DSG3: variants seen among roughly 807,000 people sequenced by gnomAD.
DSG3 encodes the protein desmoglein-3.
In DSG3, 63 loss-of-function variants were observed where a neutral mutation model predicts 85.9. The ratio of observed to expected loss-of-function variants is 0.73; its 90% confidence interval spans 0.60 to 0.90. The LOEUF (loss-of-function observed/expected upper bound fraction) is 0.90. DSG3 is among the 40% of genes least tolerant of loss of function. The probability of loss-of-function intolerance (pLI) is 0.00; values close to 1 mark genes in which losing one functional copy is unlikely to be tolerated. For missense variants in DSG3, 1,220 were observed against 1,219.9 expected (o/e 1.00, Z 0.00); for synonymous variants, 447 against 441.9 (o/e 1.01, Z -0.14).
At chr18:31,461,973 T>A (rs1260317329) in intron 8 of DSG3, among the ~76,000 whole-genome samples, 1 of 152,164 alleles carries the variant, frequency 6.6e-6, no homozygotes, top group African/African-American at 2.4e-5. Flanking sequence ...TATCTGAGAG[T>A]GTGATCTGGG....
At chr18:31,472,158 T>C (rs1213711639) in intron 12 of DSG3, 126 bp from the exon 13 acceptor site, 11 of 1,397,164 alleles carry the variant, frequency 7.9e-6, no homozygotes, top group Non-Finnish European at 1.1e-5. Context: ...ATTTTGGTTT[T>C]CATTAGGAAT....
rs183434848 is a variant in DSG3, at chr18:31,461,478, G to C, written c.999+66G>C. On this transcript the variant is annotated intron_variant, in intron 8 of 15. Coordinates refer to ENST00000257189, the MANE Select transcript of DSG3 (RefSeq NM_001944.3). ...ATTAACCAAAATGATCATTTCTACA[G>C]ATAAAATGTATTTATTTGTTAATAT... 644 of 1,326,700 alleles carry C rather than the reference G, an allele frequency of 4.9e-4. 5 individuals are homozygous for C. In the African/African-American group the frequency reaches 8.7e-3, roughly 18 times the overall value. 82.2% of individuals were successfully genotyped at this position (1,326,700 alleles called of 1,614,324 possible).
rs370978123 is a variant in DSG3 at position 31,476,145 on chromosome 18, C to G, written c.2885C>G (p.Thr962Arg). The G allele has an allele frequency of 3.1e-6, 5 of 1,614,070 alleles. No individual in the cohort carries two copies. The highest frequency in any genetic ancestry group is 3.4e-6 in the Non-Finnish European group (4 of 1,180,036). The change falls in exon 16 of 16, where the codon ACA (threonine) becomes AGA (arginine). Residue 962 changes from threonine to arginine, a missense_variant. Transcript: ENST00000257189. ...CTTCTCACACAAAATGTGATAGTGA[C>G]AGAAAGGGTGATCTGTCCCATTTCC... ...DPLLTQNVIV[T>R]ERVICPISSV...
In DSG3 at chr18:31,476,050, C is replaced by A. The variant is rs1242671945; in HGVS notation, c.2790C>A (p.Asn930Lys). 6.2e-7 allele frequency: 1 copy of A among 1,614,218 alleles called. No homozygotes were observed. The highest frequency in any genetic ancestry group is 8.5e-7 in the Non-Finnish European group (1 of 1,180,042). The change falls in exon 16 of 16, where the codon AAC becomes AAA. Residue 930 changes from asparagine (N) to lysine (K), a missense_variant. Asn to Lys is a moderately conservative substitution (Grantham distance 94). Coordinates refer to ENST00000257189, the MANE Select transcript of DSG3 (RefSeq NM_001944.3). Reference sequence around the variant, plus strand: ...TCCCTGACCCTCTGCAGCATGGTAACTATTTAGTAACGGAGACTTACTCGG... The same window carrying A: ...TCCCTGACCCTCTGCAGCATGGTAAATATTTAGTAACGGAGACTTACTCGG... Reference protein sequence around the residue: ...VSIPDPLQHGNYLVTETYSAS... With the variant: ...VSIPDPLQHGKYLVTETYSAS...
chr18:31,453,929 A>T lies in DSG3; in HGVS notation c.49-2511A>T, dbSNP rs542502032. Among the ~76,000 whole-genome samples, 9 of 152,240 alleles carry T rather than the reference A, an allele frequency of 5.9e-5. No individual in the cohort carries two copies. In the South Asian group the frequency reaches 1.7e-3, roughly 28 times the overall value. On this transcript the variant is annotated intron_variant, in intron 1 of 15. Transcript: ENST00000257189. ...TATACAATTTTGTCAATGAAAATAG[A>T]TTTACAAATAAAAACACATAAATTG...
chr18:31,475,745 G>A lies in DSG3; in HGVS notation c.2485G>A (p.Gly829Ser). The change falls in exon 16 of 16, where the codon GGC (glycine) becomes AGC (serine). Residue 829 changes from glycine (G) to serine (S), a missense_variant. Coordinates refer to ENST00000257189, the MANE Select transcript of DSG3 (RefSeq NM_001944.3). ...EGADATGSPV[G>S]SVGCCSFIAD... is the part of the protein sequence containing the mutation. ...CGCAGATGCCACTGGTTCTCCTGTG[G>A]GCTCCGTGGGTTGTTGCAGTTTTAT... is the stretch of plus-strand genomic sequence containing the variant. 1 of 1,614,158 alleles carries A rather than the reference G, an allele frequency of 6.2e-7. No homozygotes were observed.
intron 2 of DSG3, among the ~76,000 whole-genome samples, 180 bp from the exon 3 acceptor site, chr18:31,456,813 A>T (rs72925118): frequency 0.013 from 1,933 of 152,300 alleles, 26 homozygotes; most frequent in Non-Finnish European, 0.017. Flanking sequence ...CTTTGTAGTT[A>T]TTTTAGTTAT....
intron 1 of DSG3, among the ~76,000 whole-genome samples, chr18:31,451,902 G>A (rs1404763773): frequency 6.6e-6 from 1 of 152,214 alleles, no homozygotes; most frequent in Non-Finnish European, 1.5e-5. Flanking sequence ...AGCCTAAGGT[G>A]AGGCCTTGCT....
chr18:31,475,787 G>A lies in DSG3; in HGVS notation c.2527G>A (p.Asp843Asn), dbSNP rs753372828. Reference sequence around the variant, plus strand: ...CAGTTTTATTGCTGATGACCTGGATGACAGCTTCTTGGACTCACTTGGACC... The same window carrying A: ...CAGTTTTATTGCTGATGACCTGGATAACAGCTTCTTGGACTCACTTGGACC... The part of the protein sequence containing the change: ...CCSFIADDLD[D>N]SFLDSLGPKF... Residue 843 changes from aspartate (D) to asparagine (N), a missense_variant, in exon 16 of 16, where the codon GAC (aspartate) becomes AAC (asparagine). By Grantham distance (23) the Asp-to-Asn change is conservative. Transcript: ENST00000257189. The A allele has an allele frequency of 1.9e-6, 3 of 1,614,212 alleles. No individual in the cohort carries two copies. The highest frequency in any genetic ancestry group is 1.1e-5 in the South Asian group (1 of 91,080).
chr18:31,462,901 C>A (rs902186149), intron 8 of DSG3, among the ~76,000 whole-genome samples: 2 of 152,182 alleles, frequency 1.3e-5, no homozygotes, highest in Admixed American at 6.5e-5. Flanking sequence ...TGGCTCTACA[C>A]TGGCTATGAA....
At chr18:31,454,921 C>T (rs2072732882) in intron 1 of DSG3, among the ~76,000 whole-genome samples, 1 of 151,510 alleles carries the variant, frequency 6.6e-6, no homozygotes, top group African/African-American at 2.4e-5. Flanking sequence ...TCCCTTGAAC[C>T]CGGGAGACGA....
chr18:31,460,146 A>C (rs1462340283), intron 6 of DSG3, 135 bp downstream of exon 6: 28 of 961,042 alleles, frequency 2.9e-5, no homozygotes, highest in Non-Finnish European at 3.9e-5. Context: ...TAATCTAGGG[A>C]AATTGTTTGC....
At chr18:31,465,120 C>T (rs552595232) in intron 9 of DSG3, among the ~76,000 whole-genome samples, 198 bp from the exon 10 acceptor site, 74 of 142,768 alleles carry the variant, frequency 5.2e-4, no homozygotes, top group African/African-American at 1.8e-3. Context: ...AGCGAAACTC[C>T]GTCTCAAAAA....
In DSG3 at chr18:31,465,337, G is replaced by A. The variant is rs137948279; in HGVS notation, c.1291G>A (p.Asp431Asn). The A allele has an allele frequency of 4.9e-4, 731 of 1,484,696 alleles. 4 individuals are homozygous for A. The African/African-American group carries it at 9.3e-3, about 19-fold the overall frequency. 92.0% of individuals were successfully genotyped at this position (1,484,696 alleles called of 1,614,324 possible). A position where few individuals can be genotyped will look rare whatever the true frequency, so the allele number is the denominator to read the frequency against. The change falls in exon 10 of 16, where the codon GAT becomes AAT. Residue 431 changes from aspartate to asparagine, a missense_variant. Coordinates refer to ENST00000257189, the MANE Select transcript of DSG3 (RefSeq NM_001944.3). ...AAACAGATATGTCATGGGACGTAAC[G>A]ATGGTGGATACCTAATGATTGATTC... ...SNVKYVMGRNDGGYLMIDSKT... is the reference protein window; with the variant it reads ...SNVKYVMGRNNGGYLMIDSKT...
intron 3 of DSG3, 86 bp from the exon 4 acceptor site, chr18:31,458,359 G>A: frequency 7.3e-7 from 1 of 1,374,872 alleles, no homozygotes; most frequent in South Asian, 1.4e-5. Context: ...CGAATGAACA[G>A]ATGACTTTAG....
chr18:31,467,502 G>T (rs1217975591), intron 11 of DSG3, among the ~76,000 whole-genome samples: 1 of 152,196 alleles, frequency 6.6e-6, no homozygotes, highest in Non-Finnish European at 1.5e-5. Flanking sequence ...ACTATCACTA[G>T]TCAGGAACAT....
intron 2 of DSG3, 143 bp downstream of exon 2, chr18:31,456,618 T>C: frequency 2.3e-6 from 1 of 436,058 alleles, no homozygotes; most frequent in Non-Finnish European, 3.9e-6. Flanking sequence ...AAAATTCTAA[T>C]AACTGATAAC....
Position 31,464,348 on chromosome 18 carries a change from G to A in DSG3, c.1237G>A (p.Asp413Asn), listed in dbSNP as rs191249015. The stretch of plus-strand genomic sequence containing the variant: ...TATCCTGGGAACATATCAAGCCATC[G>A]ATGAGGACACTAACAAAGCTGCCTC... Reference protein sequence around the residue: ...DYILGTYQAIDEDTNKAASNV... With the variant: ...DYILGTYQAINEDTNKAASNV... The change falls in exon 9 of 16, where the codon GAT becomes AAT. Residue 413 changes from aspartate to asparagine, a missense_variant. Asp to Asn is a conservative substitution (Grantham distance 23). Transcript: ENST00000257189. 16 of 1,613,502 alleles carry A rather than the reference G, an allele frequency of 9.9e-6. No homozygotes were observed. The highest frequency in any genetic ancestry group is 5.5e-5 in the South Asian group (5 of 90,900).
chr18:31,478,291 A>G lies in DSG3; in HGVS notation c.*2031A>G, dbSNP rs1307144414. On this transcript the variant is annotated 3_prime_UTR_variant, in exon 16 of 16. Coordinates refer to ENST00000257189, the MANE Select transcript of DSG3 (RefSeq NM_001944.3). ...AGCTAACTTGTGCCTCTGCTTATGCATGAGGGTTAAATTAACAACCATAAC... is the reference window on the plus strand; with the variant it reads ...AGCTAACTTGTGCCTCTGCTTATGCGTGAGGGTTAAATTAACAACCATAAC... The G allele has an allele frequency of 6.6e-6, 1 of 152,214 alleles. No individual in the cohort carries two copies. The highest frequency in any genetic ancestry group is 1.5e-5 in the Non-Finnish European group (1 of 68,040). The allele number at this position is 152,214 out of a possible 1,614,324, so 9.4% of individuals were successfully genotyped here. A position where few individuals can be genotyped will look rare whatever the true frequency, so the allele number is the denominator to read the frequency against.
Sources: allele counts gnomAD v4.1 joint callset (sites outside exome capture counted in the v4.1 genomes callset), GRCh38; gene constraint gnomAD v4.1.1; transcripts MANE v1.5; gene names NCBI Gene and HGNC (gene_info 2026-07-23, HGNC 2026-07-21).